The following TAFA1 variants were observed in gnomAD, a reference collection of about 807,000 sequenced individuals.
TAFA1 encodes TAFA chemokine like family member 1.
TAFA1 carries 4 observed loss-of-function variants against 18.5 expected under a neutral mutation model. That is an observed-to-expected ratio of 0.22 (90% confidence interval 0.11 to 0.49). The LOEUF (loss-of-function observed/expected upper bound fraction) is 0.49, where lower values mean the gene tolerates loss of function less well. Among genes scored for constraint, TAFA1 ranks in the 20% least tolerant of loss-of-function variants. TAFA1 has a pLI of 0.98. For synonymous variants in TAFA1, 56 were observed against 55.2 expected (o/e 1.01, Z -0.06); for missense variants, 147 against 169.0 (o/e 0.87, Z 0.72).
intron 2 of TAFA1, among the ~76,000 whole-genome samples, chr3:68,073,814 A>T (rs2106754717): frequency 6.6e-6 from 1 of 152,136 alleles, no homozygotes; most frequent in South Asian, 2.1e-4. Flanking sequence ...GGTGATGATG[A>T]TATGTATTTA....
chr3:68,004,912 A>T (rs575081453), intron 1 of TAFA1, among the ~76,000 whole-genome samples: 6 of 152,184 alleles, frequency 3.9e-5, no homozygotes, highest in Non-Finnish European at 8.8e-5. Flanking sequence ...AAATTAAAAA[A>T]ATATATATTG....
At chr3:68,259,990 G>A (rs2067381470) in intron 2 of TAFA1, among the ~76,000 whole-genome samples, 1 of 152,118 alleles carries the variant, frequency 6.6e-6, no homozygotes, top group Admixed American at 6.5e-5. Flanking sequence ...TAGGAGTGGT[G>A]AGAGAGGGCA....
intron 3 of TAFA1, among the ~76,000 whole-genome samples, chr3:68,474,386 C>A (rs540716940): frequency 6.6e-6 from 1 of 152,110 alleles, no homozygotes; most frequent in Non-Finnish European, 1.5e-5. Flanking sequence ...GCCTGGAGGC[C>A]GATTTCCACA....
intron 3 of TAFA1, among the ~76,000 whole-genome samples, chr3:68,508,167 G>T (rs991094653): frequency 6.6e-6 from 1 of 152,042 alleles, no homozygotes; most frequent in African/African-American, 2.4e-5. Flanking sequence ...TAAGGTGGAA[G>T]AGGAGTTTTC....
intron 2 of TAFA1, among the ~76,000 whole-genome samples, chr3:68,171,424 T>C (rs528416841): frequency 2.0e-5 from 3 of 152,322 alleles, no homozygotes; most frequent in Non-Finnish European, 4.4e-5. Flanking sequence ...TTCAAAATAA[T>C]AAATTTGTGT....
At chr3:68,178,547 G>C (rs1422528129) in intron 2 of TAFA1, among the ~76,000 whole-genome samples, 1 of 152,132 alleles carries the variant, frequency 6.6e-6, no homozygotes, top group Non-Finnish European at 1.5e-5. Flanking sequence ...TCCAGGAGGA[G>C]GTATGTATAA....
chr3:68,406,065 G>A (rs1042018419), intron 2 of TAFA1, among the ~76,000 whole-genome samples: 38 of 152,094 alleles, frequency 2.5e-4, no homozygotes, highest in Non-Finnish European at 4.7e-4. Context: ...TTACAGGGAC[G>A]AGGGCTTAGA....
chr3:68,421,178 A>G (rs188953560), intron 3 of TAFA1, among the ~76,000 whole-genome samples: 1 of 152,280 alleles, frequency 6.6e-6, no homozygotes, highest in African/African-American at 2.4e-5. Context: ...ACATAACAGT[A>G]ATATTTTTAT....
At chr3:68,298,714 C>T (rs1663828614) in intron 2 of TAFA1, among the ~76,000 whole-genome samples, 1 of 152,194 alleles carries the variant, frequency 6.6e-6, no homozygotes, top group Non-Finnish European at 1.5e-5. Flanking sequence ...CATTCTCCTT[C>T]CTGCCACTTT....
At chr3:68,391,659 C>A (rs1306555775) in intron 2 of TAFA1, among the ~76,000 whole-genome samples, 1 of 152,200 alleles carries the variant, frequency 6.6e-6, no homozygotes, top group South Asian at 2.1e-4. Context: ...AACAGTGGAT[C>A]TCTCTGCAGA....
intron 2 of TAFA1, among the ~76,000 whole-genome samples, chr3:68,112,613 G>A (rs1253551159): frequency 6.6e-6 from 1 of 151,936 alleles, no homozygotes; most frequent in Non-Finnish European, 1.5e-5. Context: ...TTTTAATGTT[G>A]TATCCTTGGC....
chr3:68,134,354 TGC>T (rs1427895996), intron 2 of TAFA1, among the ~76,000 whole-genome samples: 1 of 149,012 alleles, frequency 6.7e-6, no homozygotes, highest in Non-Finnish European at 1.5e-5. Context: ...AAGTACTGAG[TGC>T]GTGTGTGTGT....
the TAFA1 span, among the ~76,000 whole-genome samples, chr3:67,993,943 A>G: frequency 5.9e-5 from 9 of 152,140 alleles, no homozygotes; most frequent in Non-Finnish European, 1.3e-4. Flanking sequence ...AGATTCAAGT[A>G]TTTTATATAT....
intron 3 of TAFA1, among the ~76,000 whole-genome samples, chr3:68,480,178 G>T (rs1485690536): frequency 6.6e-6 from 1 of 150,536 alleles, no homozygotes; most frequent in Non-Finnish European, 1.5e-5. Context: ...GGATCACAAG[G>T]TCAGGAAATC....
chr3:68,455,535 T>C (rs1156927810), intron 3 of TAFA1, among the ~76,000 whole-genome samples: 9 of 152,178 alleles, frequency 5.9e-5, no homozygotes, highest in Admixed American at 5.9e-4. Flanking sequence ...ATCTTCTTCC[T>C]CATCATCAGG....
chr3:68,058,397 A>T (rs1350502995), intron 2 of TAFA1, among the ~76,000 whole-genome samples: 3 of 152,204 alleles, frequency 2.0e-5, no homozygotes, highest in Non-Finnish European at 4.4e-5. Flanking sequence ...AATGATCTTT[A>T]TTTTGTGATG....
At chr3:68,157,144 CTAT>C (rs578187900) in intron 2 of TAFA1, among the ~76,000 whole-genome samples, 34 of 152,254 alleles carry the variant, frequency 2.2e-4, no homozygotes, top group African/African-American at 7.7e-4. Flanking sequence ...GCTGGGAAAG[CTAT>C]TATTATTATT....
intron 3 of TAFA1, among the ~76,000 whole-genome samples, chr3:68,497,937 A>G (rs1253614047): frequency 3.3e-5 from 5 of 152,144 alleles, no homozygotes; most frequent in Non-Finnish European, 7.4e-5. Flanking sequence ...AATTATCTCC[A>G]CCTGGTAACC....
chr3:68,055,601 C>G (rs2064526298), intron 2 of TAFA1, among the ~76,000 whole-genome samples: 3 of 151,990 alleles, frequency 2.0e-5, no homozygotes, highest in Non-Finnish European at 1.5e-5. Flanking sequence ...AGTATCATCT[C>G]CCAAGGCTGC....
Sources: allele counts gnomAD v4.1 joint callset (sites outside exome capture counted in the v4.1 genomes callset), GRCh38; gene constraint gnomAD v4.1.1; transcripts MANE v1.5; gene names NCBI Gene and HGNC (gene_info 2026-07-23, HGNC 2026-07-21).